Variants in TAFA2 observed in about 807,000 individuals in gnomAD.
TAFA2 encodes TAFA chemokine like family member 2.
In TAFA2, 7 loss-of-function variants were observed where a neutral mutation model predicts 18.8. The observed-to-expected ratio is 0.37, with a 90% CI of 0.21 to 0.70. The LOEUF (loss-of-function observed/expected upper bound fraction) is 0.70. Among genes scored for constraint, TAFA2 ranks in the 30% least tolerant of loss-of-function variants. The probability of loss-of-function intolerance (pLI) is 0.53; values close to 1 mark genes in which losing one functional copy is unlikely to be tolerated. For synonymous variants in TAFA2, 60 were observed against 54.2 expected (o/e 1.11, Z -0.47); for missense variants, 122 against 158.1 (o/e 0.77, Z 1.23).
chr12:61,882,879 C>G (rs375300155), intron 1 of TAFA2, among the ~76,000 whole-genome samples: 1 of 152,002 alleles, frequency 6.6e-6, no homozygotes, highest in East Asian at 1.9e-4. Context: ...TCATTTTGTA[C>G]AATAAAGGTA....
chr12:61,710,972 G>A (rs191136000), intron 4 of TAFA2, among the ~76,000 whole-genome samples: 1 of 151,892 alleles, frequency 6.6e-6, no homozygotes, highest in Non-Finnish European at 1.5e-5. Context: ...GTTTATGGGG[G>A]ACAAAAATAT....
intron 2 of TAFA2, among the ~76,000 whole-genome samples, chr12:61,789,763 G>C (rs571942902): frequency 3.9e-5 from 6 of 151,910 alleles, no homozygotes; most frequent in Admixed American, 1.3e-4. Context: ...AGACTTGGTG[G>C]TTTCACTGCT....
intron 4 of TAFA2, among the ~76,000 whole-genome samples, chr12:61,724,182 T>C (rs1870031722): frequency 6.6e-6 from 1 of 152,130 alleles, no homozygotes; most frequent in South Asian, 2.1e-4. Flanking sequence ...AGACTAGTAT[T>C]TTTAAAGCAT....
intron 1 of TAFA2, among the ~76,000 whole-genome samples, chr12:61,954,425 A>G (rs1319919553): frequency 6.6e-6 from 1 of 152,186 alleles, no homozygotes; most frequent in East Asian, 1.9e-4. Context: ...AATTTGTAAT[A>G]TAAAAATATA....
intron 1 of TAFA2, among the ~76,000 whole-genome samples, chr12:62,203,618 T>G (rs1434234835): frequency 6.6e-6 from 1 of 152,234 alleles, no homozygotes; most frequent in East Asian, 1.9e-4. Flanking sequence ...TAATCTTCAT[T>G]GGTTTAAAGT....
intron 1 of TAFA2, among the ~76,000 whole-genome samples, chr12:61,931,792 G>C (rs1270554049): frequency 6.6e-6 from 1 of 152,060 alleles, no homozygotes; most frequent in Non-Finnish European, 1.5e-5. Context: ...TCTTCTTTGG[G>C]AAATCTTCTG....
chr12:61,967,455 G>A (rs538997176), intron 1 of TAFA2, among the ~76,000 whole-genome samples: 1 of 151,822 alleles, frequency 6.6e-6, no homozygotes, highest in East Asian at 1.9e-4. Flanking sequence ...CTAGTGAAAT[G>A]ATTTGATTCT....
intron 2 of TAFA2, among the ~76,000 whole-genome samples, chr12:61,807,469 G>A (rs559038131): frequency 3.3e-5 from 5 of 151,522 alleles, no homozygotes; most frequent in South Asian, 4.1e-4. Flanking sequence ...AGGGCAGTGT[G>A]GGAGGGAAAC....
intron 1 of TAFA2, chr12:62,023,560 T>G (rs1473645329): frequency 2.1e-5 from 3 of 144,736 alleles, no homozygotes; most frequent in Non-Finnish European, 4.5e-5. Context: ...CCAAGACTTA[T>G]GAACCATGAG....
intron 1 of TAFA2, among the ~76,000 whole-genome samples, chr12:62,075,735 G>A (rs1868247045): frequency 6.6e-6 from 1 of 151,930 alleles, no homozygotes; most frequent in Non-Finnish European, 1.5e-5. Flanking sequence ...TACCAGTAAG[G>A]GTTTTTGTTT....
chr12:61,808,072 C>G (rs191622683), intron 2 of TAFA2, among the ~76,000 whole-genome samples: 1 of 151,622 alleles, frequency 6.6e-6, no homozygotes, highest in Non-Finnish European at 1.5e-5. Flanking sequence ...TTGGAAGGGG[C>G]CAGGGGCAGA....
chr12:61,984,188 C>T (rs1879738997), intron 1 of TAFA2, among the ~76,000 whole-genome samples: 1 of 152,224 alleles, frequency 6.6e-6, no homozygotes, highest in Admixed American at 6.5e-5. Context: ...GAGCTATCCC[C>T]AGTATGTAGA....
chr12:61,783,023 T>G (rs1016970869), intron 2 of TAFA2, among the ~76,000 whole-genome samples: 24 of 151,666 alleles, frequency 1.6e-4, no homozygotes, highest in African/African-American at 5.1e-4. Context: ...AGGAAAACAT[T>G]TATTCTTGGA....
At chr12:61,999,757 T>C (rs1020613711) in intron 1 of TAFA2, among the ~76,000 whole-genome samples, 1 of 152,226 alleles carries the variant, frequency 6.6e-6, no homozygotes, top group African/African-American at 2.4e-5. Flanking sequence ...CAAATTATTA[T>C]GATATTTTTA....
intron 2 of TAFA2, among the ~76,000 whole-genome samples, chr12:61,757,773 G>T (rs1398715193): frequency 6.6e-6 from 1 of 152,034 alleles, no homozygotes. Context: ...TTTCAAAAAG[G>T]AGAGATTGAT....
intron 1 of TAFA2, among the ~76,000 whole-genome samples, chr12:62,036,578 T>G (rs1057422376): frequency 2.6e-5 from 4 of 152,358 alleles, no homozygotes; most frequent in Middle Eastern, 3.4e-3. Flanking sequence ...AGTAGTACTC[T>G]ACATAGCAAT....
chr12:62,018,960 A>C (rs1367279551), intron 1 of TAFA2, among the ~76,000 whole-genome samples: 1 of 152,176 alleles, frequency 6.6e-6, no homozygotes, highest in South Asian at 2.1e-4. Context: ...TCTACAATGA[A>C]CTCAAACAAA....
chr12:61,904,761 G>C (rs2121326295), intron 1 of TAFA2, among the ~76,000 whole-genome samples: 1 of 152,092 alleles, frequency 6.6e-6, no homozygotes, highest in African/African-American at 2.4e-5. Flanking sequence ...CCCTCATTCG[G>C]TCCCACTGGA....
chr12:61,799,535 C>A (rs1268468504), intron 2 of TAFA2, among the ~76,000 whole-genome samples: 1 of 152,036 alleles, frequency 6.6e-6, no homozygotes, highest in East Asian at 1.9e-4. Flanking sequence ...TTAAAGGTGA[C>A]AAACTGGCCA....
Sources: gnomAD v4.1 joint callset for allele counts (sites outside exome capture counted in the v4.1 genomes callset) on GRCh38, gnomAD v4.1.1 for gene constraint, MANE v1.5 for transcripts, NCBI Gene and HGNC (gene_info 2026-07-23, HGNC 2026-07-21) for gene names.